The following CA10 variants were observed in gnomAD, a reference collection of about 807,000 sequenced individuals.
CA10 encodes the protein carbonic anhydrase-related protein 10.
A neutral mutation model predicts 44.2 loss-of-function variants in CA10; 14 were observed. The observed-to-expected ratio is 0.32, with a 90% CI of 0.21 to 0.50. CA10 has a LOEUF of 0.50. Ranked by LOEUF, CA10 falls within the 20% of genes least tolerant of loss-of-function variation. The pLI, the probability that CA10 is intolerant of heterozygous loss-of-function variation, is 0.99. For missense variants in CA10, 350 were observed against 409.7 expected (o/e 0.85, Z 1.26); for synonymous variants, 159 against 141.6 (o/e 1.12, Z -0.87).
chr17:51,857,448 A>C (rs1424715025), intron 3 of CA10, among the ~76,000 whole-genome samples: 1 of 152,202 alleles, frequency 6.6e-6, no homozygotes, highest in East Asian at 1.9e-4. Context: ...AGGAAAAGCC[A>C]GAGATGAAAA....
intron 2 of CA10, among the ~76,000 whole-genome samples, chr17:52,018,443 C>T (rs1986036576): frequency 6.6e-6 from 1 of 152,086 alleles, no homozygotes; most frequent in South Asian, 2.1e-4. Flanking sequence ...AGAAGCAGAG[C>T]CAAAGGAGAT....
At chr17:52,060,316 A>T (rs1393757643) in intron 2 of CA10, among the ~76,000 whole-genome samples, 1 of 152,142 alleles carries the variant, frequency 6.6e-6, no homozygotes, top group Non-Finnish European at 1.5e-5. Flanking sequence ...AGAGGAGACG[A>T]AAGAGACATG....
intron 3 of CA10, among the ~76,000 whole-genome samples, chr17:51,784,172 A>G (rs1906169974): frequency 2.0e-5 from 3 of 152,202 alleles, no homozygotes; most frequent in South Asian, 4.1e-4. Context: ...CCAAGTGCCC[A>G]TTGTGAACTC....
chr17:51,652,116 C>A (rs999268850), intron 5 of CA10, among the ~76,000 whole-genome samples: 6 of 152,120 alleles, frequency 3.9e-5, no homozygotes, highest in African/African-American at 1.4e-4. Context: ...AATGAGTAAG[C>A]CATTCTTTCA....
chr17:51,939,450 A>T (rs963006170), intron 2 of CA10, among the ~76,000 whole-genome samples: 3 of 152,146 alleles, frequency 2.0e-5, no homozygotes, highest in African/African-American at 4.8e-5. Flanking sequence ...CAGTCAAGGT[A>T]GGCACATGCT....
chr17:51,767,648 T>C (rs1172391920), intron 3 of CA10, among the ~76,000 whole-genome samples: 1 of 152,042 alleles, frequency 6.6e-6, no homozygotes, highest in Non-Finnish European at 1.5e-5. Context: ...GCACTTTATT[T>C]CTATTATTAT....
chr17:52,110,824 G>A (rs1369209235), intron 1 of CA10, among the ~76,000 whole-genome samples: 1 of 152,162 alleles, frequency 6.6e-6, no homozygotes, highest in Non-Finnish European at 1.5e-5. Flanking sequence ...TATCCTCCAT[G>A]GCCAAGCAGC....
intron 3 of CA10, among the ~76,000 whole-genome samples, chr17:51,861,857 A>C (rs1216258653): frequency 2.0e-5 from 3 of 152,200 alleles, no homozygotes; most frequent in African/African-American, 7.2e-5. Flanking sequence ...GCTTATAGTG[A>C]AAGATGAATC....
intron 2 of CA10, among the ~76,000 whole-genome samples, chr17:52,036,545 A>C (rs554090231): frequency 6.6e-6 from 1 of 152,258 alleles, no homozygotes; most frequent in African/African-American, 2.4e-5. Context: ...AACAGGAAAA[A>C]TAGGCAGGTG....
intron 4 of CA10, among the ~76,000 whole-genome samples, chr17:51,655,351 C>G (rs1329829289): frequency 1.3e-5 from 2 of 152,248 alleles, no homozygotes; most frequent in Middle Eastern, 3.4e-3. Flanking sequence ...ATTTGAGAAT[C>G]CAATAAGATA....
intron 3 of CA10, among the ~76,000 whole-genome samples, chr17:51,858,212 TA>T (rs1216739928): frequency 6.6e-6 from 1 of 152,084 alleles, no homozygotes; most frequent in Non-Finnish European, 1.5e-5. Context: ...AGATTAAAAA[TA>T]AAGAAAACCA....
At chr17:52,021,715 A>T (rs1986145606) in intron 2 of CA10, among the ~76,000 whole-genome samples, 1 of 152,134 alleles carries the variant, frequency 6.6e-6, no homozygotes, top group South Asian at 2.1e-4. Context: ...GAAACAACAA[A>T]GATGACATTA....
chr17:51,781,308 G>A (rs1249080389), intron 3 of CA10, among the ~76,000 whole-genome samples: 1 of 152,212 alleles, frequency 6.6e-6, no homozygotes, highest in Non-Finnish European at 1.5e-5. Flanking sequence ...GACATTTACT[G>A]AGTGTTGTAA....
intron 4 of CA10, among the ~76,000 whole-genome samples, chr17:51,665,847 T>A (rs1284861226): frequency 2.6e-5 from 4 of 152,224 alleles, no homozygotes; most frequent in Non-Finnish European, 4.4e-5. Context: ...TGACTGTATG[T>A]AGAATTGAAA....
chr17:51,730,402 G>A (rs73987182), intron 4 of CA10, among the ~76,000 whole-genome samples: 1,600 of 152,262 alleles, frequency 0.011, 39 homozygotes, highest in African/African-American at 0.035. Context: ...TCCTTAGTTG[G>A]ATTCCTTTTC....
At chr17:51,787,968 T>G (rs906005833) in intron 3 of CA10, among the ~76,000 whole-genome samples, 19 of 152,170 alleles carry the variant, frequency 1.2e-4, no homozygotes, top group Non-Finnish European at 2.6e-4. Flanking sequence ...TTCTGCTCTG[T>G]TATTTATTAT....
rs190207223 is a variant in CA10, at chr17:51,811,313, A to T, written c.280-63495T>A. 1.7e-3 allele frequency among the ~76,000 whole-genome samples: 251 copies of T among 152,118 alleles called. 3 individuals are homozygous for T. Among genetic ancestry groups the T allele is most frequent in the Middle Eastern group, 3.4e-3 (1 of 294 alleles). ...GTGGCTGATTTTTTTATTATACTTT[A>T]AGTTCTAGGGTACATGTGCACAACG... On this transcript the variant is annotated intron_variant, in intron 3 of 8. Transcript: ENST00000451037.
At chr17:52,141,793 G>T (rs943369902) in intron 1 of CA10, among the ~76,000 whole-genome samples, 1 of 152,226 alleles carries the variant, frequency 6.6e-6, no homozygotes, top group Admixed American at 6.5e-5. Context: ...AATCAGCAGA[G>T]ACTACTGGTG....
intron 4 of CA10, among the ~76,000 whole-genome samples, chr17:51,654,255 G>A (rs1913694732): frequency 6.6e-6 from 1 of 152,206 alleles, no homozygotes; most frequent in Non-Finnish European, 1.5e-5. Flanking sequence ...TGATGCACCA[G>A]CCTGTCCCGG....
Sources: allele counts gnomAD v4.1 joint callset (sites outside exome capture counted in the v4.1 genomes callset), GRCh38; gene constraint gnomAD v4.1.1; transcripts MANE v1.5; gene names NCBI Gene and HGNC (gene_info 2026-07-23, HGNC 2026-07-21).